ZNF688: variants seen among roughly 807,000 people sequenced by gnomAD.
ZNF688 encodes the protein zinc finger protein 688.
Under a neutral mutation model 13.2 loss-of-function variants are expected in ZNF688, and 10 were observed. The ratio of observed to expected loss-of-function variants is 0.76; its 90% CI spans 0.47 to 1.28. The LOEUF (loss-of-function observed/expected upper bound fraction) is 1.28. ZNF688 is among the 50% of genes most tolerant of loss of function. The pLI, the probability that ZNF688 is intolerant of heterozygous loss-of-function variation, is 0.00. For synonymous variants in ZNF688, 160 were observed against 159.4 expected (o/e 1.00, Z -0.03); for missense variants, 381 against 391.4 (o/e 0.97, Z 0.22).
chr16:30,569,915 C>T lies in ZNF688; in HGVS notation c.*1G>A. On this transcript the variant is annotated 3_prime_UTR_variant, in exon 3 of 3. Transcript: ENST00000223459. The stretch of plus-strand genomic sequence containing the variant: ...GGCTCAACTCCAGCCTGCGGTGCCG[C>T]TCAGCCGCACTCCTCGAAGATGTCT... 6.5e-7 allele frequency: 1 copy of T among 1,531,056 alleles called. No homozygotes were observed. The allele number at this position is 1,531,056 out of a possible 1,614,324, so 94.8% of individuals were successfully genotyped here.
At chr16:30,572,443 T>G (rs2051702286), upstream of ZNF688, 1 of 675,982 alleles carries the variant, frequency 1.5e-6, no homozygotes, top group African/African-American at 1.9e-5. Context: ...AGCTGCGGAG[T>G]CCACCCAGCC....
upstream of ZNF688, among the ~76,000 whole-genome samples, chr16:30,573,433 C>T (rs757584839): frequency 2.6e-5 from 4 of 152,126 alleles, no homozygotes; most frequent in South Asian, 2.1e-4. Flanking sequence ...CAAGATGGGT[C>T]ATCCTCATGG....
Position 30,571,624 on chromosome 16 carries a change from C to G in ZNF688, c.6G>C (p.Ala2=). ...GCGCCAGGAGCGGGGCTGGGGGCGG[C>G]GCCATGGGGCCTCGCAGCCCCGATC... The part of the protein sequence containing the change: M[A]PPPAPLLAPR... The change falls in exon 1 of 3, where the codon GCG becomes GCC. Residue 2 remains alanine, a synonymous_variant. Transcript: ENST00000223459. The G allele has an allele frequency of 6.8e-7, 1 of 1,462,150 alleles. No homozygotes were observed. Among genetic ancestry groups the G allele is most frequent in the Non-Finnish European group, 9.0e-7 (1 of 1,111,734 alleles). 90.6% of individuals were successfully genotyped at this position (1,462,150 alleles called of 1,614,324 possible). A position where few individuals can be genotyped will look rare whatever the true frequency, so the allele number is the denominator to read the frequency against.
upstream of ZNF688, chr16:30,571,822 C>T: frequency 4.6e-6 from 6 of 1,308,954 alleles, no homozygotes; most frequent in Non-Finnish European, 5.8e-6. Flanking sequence ...AAATATAATT[C>T]CTCAGTGTTT....
intron 2 of ZNF688, 95 bp downstream of exon 2, chr16:30,570,915 T>C: frequency 7.6e-7 from 1 of 1,315,670 alleles, no homozygotes; most frequent in Non-Finnish European, 1.1e-6. Flanking sequence ...CAGTTGAATT[T>C]CTTTAGGGAT....
At chr16:30,574,841 C>T (rs2051731897), upstream of ZNF688, among the ~76,000 whole-genome samples, 1 of 152,070 alleles carries the variant, frequency 6.6e-6, no homozygotes, top group Non-Finnish European at 1.5e-5. Flanking sequence ...TACCCATTAC[C>T]CAACTTCTCT....
Position 30,571,595 on chromosome 16 carries a change from C to A in ZNF688, c.35G>T (p.Arg12Met). Residue 12 changes from arginine to methionine, a missense_variant, in exon 1 of 3, where the codon AGG (arginine) becomes ATG (methionine). By Grantham distance (91) the Arg-to-Met change is moderately conservative. Coordinates refer to ENST00000223459, the MANE Select transcript of ZNF688 (RefSeq NM_145271.4). ...APPPAPLLAPRPGETRPGCRK... is the reference protein window; with the variant it reads ...APPPAPLLAPMPGETRPGCRK... ...GCAACCAGGCCGGGTCTCCCCGGGCCTCGGCGCCAGGAGCGGGGCTGGGGG... is the reference window on the plus strand; with the variant it reads ...GCAACCAGGCCGGGTCTCCCCGGGCATCGGCGCCAGGAGCGGGGCTGGGGG... 1 of 1,532,896 alleles carries A rather than the reference C, an allele frequency of 6.5e-7. No homozygotes were observed. The highest frequency in any genetic ancestry group is 2.5e-5 in the East Asian group (1 of 39,366). The allele number at this position is 1,532,896 out of a possible 1,614,324, so 95.0% of individuals were successfully genotyped here. A position where few individuals can be genotyped will look rare whatever the true frequency, so the allele number is the denominator to read the frequency against.
chr16:30,579,119 A>C, the ZNF688 span: 1 of 152,216 alleles, frequency 6.6e-6, no homozygotes, highest in Non-Finnish European at 1.5e-5. Flanking sequence ...CATAAAACTC[A>C]GCTGTATGCT....
At chr16:30,570,827 A>G (rs2051664876) in intron 2 of ZNF688, 183 bp downstream of exon 2, 4 of 672,620 alleles carry the variant, frequency 5.9e-6, no homozygotes, top group Admixed American at 2.3e-5. Context: ...CTGGGCTCCC[A>G]GTCCTCACAG....
upstream of ZNF688, chr16:30,572,746 T>TCC (rs1465615903): frequency 5.3e-4 from 81 of 153,260 alleles, no homozygotes; most frequent in Non-Finnish European, 1.0e-3. Context: ...AATTTTTAAA[T>TCC]TTTAAAACAG....
At chr16:30,573,814 ATAAT>A, upstream of ZNF688, 1 of 290,000 alleles carries the variant, frequency 3.4e-6, no homozygotes, top group South Asian at 3.1e-5. Flanking sequence ...TTAATTGTTA[ATAAT>A]TAAATATTAT....
At position 30,569,942 on chromosome 16, in the gene ZNF688, G is replaced by A. The variant is rs768162252; in HGVS notation, c.805C>T (p.Pro269Ser). The change falls in exon 3 of 3, where the codon CCA (proline) becomes TCA (serine). Residue 269 changes from proline (P) to serine (S), a missense_variant. Coordinates refer to ENST00000223459, the MANE Select transcript of ZNF688 (RefSeq NM_145271.4). ...RDPPVLFRHY[P>S]DIFEECG ...CAGCCGCACTCCTCGAAGATGTCTG[G>A]GTAGTGCCGGAAGAGCACAGGCGGG... 1 of 1,576,286 alleles carries A rather than the reference G, an allele frequency of 6.3e-7. No individual in the cohort carries two copies. Among genetic ancestry groups the A allele is most frequent in the South Asian group, 1.2e-5 (1 of 85,924 alleles).
At chr16:30,576,316 A>G (rs1438834212), upstream of ZNF688, among the ~76,000 whole-genome samples, 1 of 152,204 alleles carries the variant, frequency 6.6e-6, no homozygotes, top group Non-Finnish European at 1.5e-5. Flanking sequence ...GGCTAACGCC[A>G]TTCTCCCGCC....
At chr16:30,579,616 G>T in the ZNF688 span, 3 of 345,698 alleles carry the variant, frequency 8.7e-6, no homozygotes, top group South Asian at 6.6e-5. Context: ...CTGACCTCAA[G>T]TGATTAACCA....
chr16:30,573,884 G>A, upstream of ZNF688: 1 of 381,096 alleles, frequency 2.6e-6, no homozygotes, highest in Non-Finnish European at 5.2e-6. Flanking sequence ...CACTCCATGT[G>A]GTGAATACTG....
chr16:30,579,838 G>C, the ZNF688 span: 1 of 455,846 alleles, frequency 2.2e-6, no homozygotes, highest in Non-Finnish European at 4.4e-6. Flanking sequence ...CAAAAGTAGG[G>C]CTAGCAGATC....
upstream of ZNF688, among the ~76,000 whole-genome samples, chr16:30,572,989 C>T (rs1043761832): frequency 2.0e-5 from 3 of 152,222 alleles, no homozygotes; most frequent in African/African-American, 7.2e-5. Flanking sequence ...TCACCGCAAC[C>T]TTCGCCTCCC....
upstream of ZNF688, chr16:30,573,910 G>C (rs1597142111): frequency 2.8e-6 from 1 of 353,878 alleles, no homozygotes; most frequent in East Asian, 1.0e-4. Flanking sequence ...ATTATATAAG[G>C]AAAAATATAT....
chr16:30,577,776 G>A, the ZNF688 span, among the ~76,000 whole-genome samples: 32 of 150,150 alleles, frequency 2.1e-4, no homozygotes, highest in African/African-American at 6.9e-4. Context: ...TCTGCCTCCC[G>A]AGTTCAAGCA....
Sources: allele counts gnomAD v4.1 joint callset (sites outside exome capture counted in the v4.1 genomes callset), GRCh38; gene constraint gnomAD v4.1.1; transcripts MANE v1.5; gene names NCBI Gene and HGNC (gene_info 2026-07-23, HGNC 2026-07-21).